Variants in SLC25A13 observed in about 807,000 individuals in gnomAD.
SLC25A13 encodes the protein solute carrier family 25 member 13.
In SLC25A13, 70 loss-of-function variants were observed where a neutral mutation model predicts 85.5. That is an observed-to-expected ratio of 0.82 (90% CI 0.68 to 1.00). The LOEUF (loss-of-function observed/expected upper bound fraction) is 1.00. SLC25A13 is among the 50% of genes least tolerant of loss of function. SLC25A13 has a pLI of 0.00. For missense variants in SLC25A13, 765 were observed against 819.8 expected (o/e 0.93, Z 0.82); for synonymous variants, 259 against 288.7 (o/e 0.90, Z 1.04).
intron 3 of SLC25A13, among the ~76,000 whole-genome samples, chr7:96,254,409 A>T (rs1797547620): frequency 6.6e-6 from 1 of 152,324 alleles, no homozygotes; most frequent in African/African-American, 2.4e-5. Context: ...GAATTACACC[A>T]TTGGCTTTCC....
chr7:96,128,418 ATC>A (rs1458712486), intron 15 of SLC25A13, among the ~76,000 whole-genome samples: 1 of 152,172 alleles, frequency 6.6e-6, no homozygotes, highest in African/African-American at 2.4e-5. Context: ...GGCTTCTGAT[ATC>A]TGTTATTAAA....
chr7:96,191,382 T>C (rs917897122), intron 6 of SLC25A13, 135 bp from the exon 7 acceptor site: 1 of 969,336 alleles, frequency 1.0e-6, no homozygotes. Context: ...TAAGTATTTT[T>C]CTTTTGCATT....
At chr7:96,258,784 T>C (rs1035661650) in intron 3 of SLC25A13, among the ~76,000 whole-genome samples, 4 of 152,186 alleles carry the variant, frequency 2.6e-5, no homozygotes, top group African/African-American at 9.7e-5. Flanking sequence ...AGAACAAAGC[T>C]GGAGGCATCA....
chr7:96,144,869 A>G (rs1409322160), intron 14 of SLC25A13, among the ~76,000 whole-genome samples: 1 of 152,210 alleles, frequency 6.6e-6, no homozygotes, highest in Non-Finnish European at 1.5e-5. Flanking sequence ...TCATCTAGAC[A>G]TTTCAATAAC....
At position 96,123,868 on chromosome 7, in the gene SLC25A13, A is replaced by G. The variant is rs189806192; in HGVS notation, c.1592-1871T>C. On this transcript the variant is annotated intron_variant, in intron 15 of 17. Transcript: ENST00000265631. ...CAGGGTTGGCAGGGACGTCTGGTAG[A>G]TCTGCCTGCTCTCTTCTGGATTCCA... Among the ~76,000 whole-genome samples, 298 of 152,334 alleles carry G rather than the reference A, an allele frequency of 2.0e-3. 2 individuals are homozygous for G. The highest frequency in any genetic ancestry group is 6.8e-3 in the African/African-American group (284 of 41,570).
chr7:96,283,824 A>AAAT (rs1798780831), intron 2 of SLC25A13: 1 of 154,672 alleles, frequency 6.5e-6, no homozygotes, highest in Non-Finnish European at 1.4e-5. Context: ...GTGTTTAAAA[A>AAAT]AAAAAAAAAA....
intron 15 of SLC25A13, among the ~76,000 whole-genome samples, chr7:96,129,683 T>C (rs1023797016): frequency 1.3e-5 from 2 of 152,254 alleles, no homozygotes; most frequent in Non-Finnish European, 2.9e-5. Flanking sequence ...TTTTCATCTA[T>C]TAATTCACTT....
intron 13 of SLC25A13, among the ~76,000 whole-genome samples, chr7:96,154,220 AAT>A (rs1793162709): frequency 6.6e-6 from 1 of 152,156 alleles, no homozygotes; most frequent in Non-Finnish European, 1.5e-5. Context: ...AAGTGTCAGA[AAT>A]TTTTAAAGTT....
intron 3 of SLC25A13, among the ~76,000 whole-genome samples, chr7:96,261,249 T>A (rs967574121): frequency 5.3e-5 from 8 of 152,150 alleles, no homozygotes; most frequent in Non-Finnish European, 7.4e-5. Context: ...TACCTCTATA[T>A]CATCTATATA....
At chr7:96,166,756 C>A (rs990044016) in intron 13 of SLC25A13, among the ~76,000 whole-genome samples, 1 of 152,080 alleles carries the variant, frequency 6.6e-6, no homozygotes, top group African/African-American at 2.4e-5. Context: ...TTTTCAGAAT[C>A]ATTGGGAACC....
intron 4 of SLC25A13, among the ~76,000 whole-genome samples, chr7:96,232,985 T>C: frequency 6.6e-6 from 1 of 152,240 alleles, no homozygotes; most frequent in East Asian, 1.9e-4. Context: ...CACTTTGCCC[T>C]GCAATGGTGG....
intron 2 of SLC25A13, among the ~76,000 whole-genome samples, chr7:96,279,775 T>C (rs982720687): frequency 2.0e-4 from 31 of 152,258 alleles, no homozygotes; most frequent in Non-Finnish European, 3.8e-4. Context: ...CTTTAAGTTT[T>C]AGTACATTAG....
intron 13 of SLC25A13, among the ~76,000 whole-genome samples, chr7:96,167,260 A>T (rs575140704): frequency 2.6e-5 from 4 of 152,360 alleles, no homozygotes; most frequent in African/African-American, 9.6e-5. Context: ...GTGAAACAGA[A>T]GATTATTTTT....
chr7:96,211,871 C>T (rs1022561146), intron 4 of SLC25A13, among the ~76,000 whole-genome samples: 1 of 152,146 alleles, frequency 6.6e-6, no homozygotes, highest in African/African-American at 2.4e-5. Flanking sequence ...CTGATTTAAA[C>T]ATGTTGAGGG....
chr7:96,320,776 G>A (rs1800311083), intron 1 of SLC25A13, among the ~76,000 whole-genome samples: 2 of 152,166 alleles, frequency 1.3e-5, no homozygotes, highest in African/African-American at 4.8e-5. Flanking sequence ...CTACGGATTT[G>A]GGGAGCCTGG....
chr7:96,322,051 CGGT>C lies in SLC25A13; in HGVS notation c.-98_-96del. ...TCACTTCTAGTCCCGGCGGCGGCGG[CGGT>C]GGGGGCGGCGATACGGCCAGGCAGC... On this transcript the variant is annotated 5_prime_UTR_variant, in exon 1 of 18. Transcript: ENST00000265631. 1 of 1,424,332 alleles carries C rather than the reference CGGT, an allele frequency of 7.0e-7. No homozygotes were observed. The highest frequency in any genetic ancestry group is 9.5e-7 in the Non-Finnish European group (1 of 1,055,142). The allele number at this position is 1,424,332 out of a possible 1,614,324, so 88.2% of individuals were successfully genotyped here.
chr7:96,264,679 T>C (rs1330727839), intron 3 of SLC25A13, among the ~76,000 whole-genome samples: 1 of 152,174 alleles, frequency 6.6e-6, no homozygotes, highest in African/African-American at 2.4e-5. Flanking sequence ...TATTACATGG[T>C]AATATAAATA....
intron 7 of SLC25A13, 127 bp downstream of exon 7, chr7:96,190,982 C>G (rs1794824356): frequency 8.6e-7 from 1 of 1,167,352 alleles, no homozygotes; most frequent in South Asian, 1.2e-5. Flanking sequence ...ATGAAAAACA[C>G]ACGTTATCAT....
intron 13 of SLC25A13, among the ~76,000 whole-genome samples, chr7:96,157,922 T>C (rs557143313): frequency 6.6e-6 from 1 of 152,340 alleles, no homozygotes; most frequent in South Asian, 2.1e-4. Flanking sequence ...CCAAGAACAA[T>C]GGCCTTCACT....
Sources: allele counts gnomAD v4.1 joint callset (sites outside exome capture counted in the v4.1 genomes callset), GRCh38; gene constraint gnomAD v4.1.1; transcripts MANE v1.5; gene names NCBI Gene and HGNC (gene_info 2026-07-23, HGNC 2026-07-21).